The following RIC8B variants were observed in gnomAD, a reference collection of about 807,000 sequenced individuals.
RIC8B encodes the protein RIC8 guanine nucleotide exchange factor B.
In RIC8B, 16 loss-of-function variants were observed where a neutral mutation model predicts 57.5. That is an observed-to-expected ratio of 0.28 (90% confidence interval 0.19 to 0.42). The LOEUF (loss-of-function observed/expected upper bound fraction) is 0.42, where lower values mean the gene tolerates loss of function less well. RIC8B is among the 10% of genes least tolerant of loss of function. The pLI, the probability that RIC8B is intolerant of heterozygous loss-of-function variation, is 1.00. For synonymous variants in RIC8B, 216 were observed against 250.8 expected (o/e 0.86, Z 1.31); for missense variants, 481 against 677.0 (o/e 0.71, Z 3.21).
At chr12:106,872,826 T>TAA (rs891550282) in intron 9 of RIC8B, among the ~76,000 whole-genome samples, 2 of 152,162 alleles carry the variant, frequency 1.3e-5, no homozygotes, top group African/African-American at 4.8e-5. Flanking sequence ...TTTTAAAGTT[T>TAA]AACACAAATG....
Position 106,886,202 on chromosome 12 carries a change from A to G in RIC8B, c.*187A>G, listed in dbSNP as rs1951178458. 2 of 560,672 alleles carry G rather than the reference A, an allele frequency of 3.6e-6. No homozygotes were observed. Among genetic ancestry groups the G allele is most frequent in the Non-Finnish European group, 6.3e-6 (2 of 317,390 alleles). The allele number at this position is 560,672 out of a possible 1,614,324, so 34.7% of individuals were successfully genotyped here. ...TTTTTTGTGATATTGAGGCATTCATACAGAGCTGCAGTTAGACGGGGTTAC... is the reference window on the plus strand; with the variant it reads ...TTTTTTGTGATATTGAGGCATTCATGCAGAGCTGCAGTTAGACGGGGTTAC... On this transcript the variant is annotated 3_prime_UTR_variant, in exon 10 of 10. Coordinates refer to ENST00000392837, the MANE Select transcript of RIC8B (RefSeq NM_001330145.2).
At chr12:106,853,024 A>G (rs1298104978) in intron 7 of RIC8B, among the ~76,000 whole-genome samples, 1 of 152,324 alleles carries the variant, frequency 6.6e-6, no homozygotes, top group South Asian at 2.1e-4. Flanking sequence ...CAAAATATAT[A>G]CCAAAATATT....
At chr12:106,852,052 T>C (rs1047664599) in intron 7 of RIC8B, among the ~76,000 whole-genome samples, 1 of 152,190 alleles carries the variant, frequency 6.6e-6, no homozygotes, top group Non-Finnish European at 1.5e-5. Context: ...TATAATATAC[T>C]GAATAGAAAT....
At chr12:106,782,453 T>C (rs2043809273) in intron 1 of RIC8B, among the ~76,000 whole-genome samples, 1 of 152,206 alleles carries the variant, frequency 6.6e-6, no homozygotes, top group South Asian at 2.1e-4. Flanking sequence ...ATTATGTCCT[T>C]AGTCTTGCTT....
rs1951236889 is a variant in RIC8B at position 106,887,676 on chromosome 12, C to CAGGCATACTGAAAGAAGAAAA, written c.*1666_*1686dup. ...AAGAAAGAGGCTGCTAGATTGAAGG[C>CAGGCATACTGAAAGAAGAAAA]AGGCATACTGAAAGAAGAAAAAGGC... On this transcript the variant is annotated 3_prime_UTR_variant, in exon 10 of 10. Transcript: ENST00000392837. 2 of 152,192 alleles carry CAGGCATACTGAAAGAAGAAAA rather than the reference C, an allele frequency of 1.3e-5. No individual in the cohort carries two copies. The highest frequency in any genetic ancestry group is 2.9e-5 in the Non-Finnish European group (2 of 68,028). 9.4% of individuals were successfully genotyped at this position (152,192 alleles called of 1,614,324 possible).
At chr12:106,813,075 AAAT>A (rs908054014) in intron 2 of RIC8B, among the ~76,000 whole-genome samples, 2 of 152,216 alleles carry the variant, frequency 1.3e-5, no homozygotes, top group East Asian at 1.9e-4. Flanking sequence ...ATTATTCCTT[AAAT>A]AATAAAACGA....
intron 3 of RIC8B, among the ~76,000 whole-genome samples, chr12:106,819,728 C>T (rs2045752772): frequency 2.2e-5 from 3 of 135,800 alleles, no homozygotes; most frequent in African/African-American, 5.5e-5. Context: ...TGGGTAACAG[C>T]GTCTCAGGAA....
At chr12:106,779,696 TTTC>T in intron 1 of RIC8B, among the ~76,000 whole-genome samples, 1 of 151,214 alleles carries the variant, frequency 6.6e-6, no homozygotes, top group East Asian at 1.9e-4. Context: ...TTTTTTTTTT[TTTC>T]AGATATTTTC....
chr12:106,860,275 T>C lies in RIC8B; in HGVS notation c.1314T>C (p.Ser438=), dbSNP rs1256174675. 1 of 1,584,734 alleles carries C rather than the reference T, an allele frequency of 6.3e-7. No homozygotes were observed. Among genetic ancestry groups the C allele is most frequent in the Non-Finnish European group, 8.6e-7 (1 of 1,167,808 alleles). ...LFVLCKERVD[S]LLKYTGYGNA... ...CCTATTCTGTTTTTGCAGTGGATAG[T>C]CTGCTGAAATACACTGGCTATGGGA... The change falls in exon 8 of 10, where the codon AGT becomes AGC. Residue 438 remains serine (S), a synonymous_variant. Coordinates refer to ENST00000392837, the MANE Select transcript of RIC8B (RefSeq NM_001330145.2).
intron 9 of RIC8B, among the ~76,000 whole-genome samples, chr12:106,878,091 T>A (rs1950748541): frequency 6.6e-6 from 1 of 152,090 alleles, no homozygotes. Context: ...GAGGGAAGGA[T>A]CTCAGAATCC....
chr12:106,828,989 T>C (rs575270023), intron 4 of RIC8B, among the ~76,000 whole-genome samples: 68 of 152,336 alleles, frequency 4.5e-4, no homozygotes, highest in African/African-American at 1.5e-3. Flanking sequence ...GGCAGCTTTT[T>C]CTGATACGTT....
At chr12:106,838,556 G>GAGGAGGAGC (rs1197194788) in intron 4 of RIC8B, among the ~76,000 whole-genome samples, 65 of 151,518 alleles carry the variant, frequency 4.3e-4, no homozygotes, top group African/African-American at 6.3e-4. Context: ...AAAAAAGAGG[G>GAGGAGGAGC]AGGAGGAGCA....
intron 2 of RIC8B, among the ~76,000 whole-genome samples, chr12:106,794,290 C>T (rs1013661140): frequency 4.0e-5 from 6 of 151,822 alleles, no homozygotes; most frequent in African/African-American, 1.2e-4. Flanking sequence ...TAAAGAAAAA[C>T]GAAGAGAGCC....
chr12:106,825,609 TA>T, intron 3 of RIC8B, 116 bp from the exon 4 acceptor site: 1 of 679,434 alleles, frequency 1.5e-6, no homozygotes. Flanking sequence ...TTCTGCCATC[TA>T]AAATGTATGG....
chr12:106,839,157 C>T (rs545097538), intron 4 of RIC8B, among the ~76,000 whole-genome samples: 13 of 152,250 alleles, frequency 8.5e-5, no homozygotes, highest in Non-Finnish European at 1.6e-4. Flanking sequence ...TCAGCAATCA[C>T]GCTTCTGGGA....
intron 9 of RIC8B, among the ~76,000 whole-genome samples, chr12:106,883,341 A>G (rs1230479614): frequency 3.9e-5 from 6 of 152,180 alleles, no homozygotes; most frequent in Non-Finnish European, 7.3e-5. Flanking sequence ...CAGAACTAGG[A>G]ATTTATTTAA....
chr12:106,870,077 CAAA>C (rs1011613400), intron 8 of RIC8B, among the ~76,000 whole-genome samples: 1 of 110,050 alleles, frequency 9.1e-6, no homozygotes, highest in Admixed American at 9.2e-5. Flanking sequence ...TTCCTGTCCT[CAAA>C]AAAAAAAAAA....
chr12:106,867,708 G>T lies in RIC8B; in HGVS notation c.1452-3115G>T, dbSNP rs534510486. On this transcript the variant is annotated intron_variant, in intron 8 of 9. Transcript: ENST00000392837. This position sits in a 1 kb window ranked among gnomAD's most constrained non-coding sequence, Gnocchi z 4.3. Reference sequence around the variant, plus strand: ...GAGACTCTGGTTTGAAGTGGGGAGCGGGAGAAGAGACAGTGTTCATCTGCC... The same window carrying T: ...GAGACTCTGGTTTGAAGTGGGGAGCTGGAGAAGAGACAGTGTTCATCTGCC... 6.6e-6 allele frequency among the ~76,000 whole-genome samples: 1 copy of T among 152,066 alleles called. No individual in the cohort carries two copies. The highest frequency in any genetic ancestry group is 2.4e-5 in the African/African-American group (1 of 41,410).
At chr12:106,840,337 G>A (rs888562929) in intron 4 of RIC8B, among the ~76,000 whole-genome samples, 2 of 152,188 alleles carry the variant, frequency 1.3e-5, no homozygotes, top group African/African-American at 2.4e-5. Context: ...ATATCAGGAG[G>A]GGGCTGGGAG....
Sources: allele counts gnomAD v4.1 joint callset (sites outside exome capture counted in the v4.1 genomes callset), GRCh38; gene constraint gnomAD v4.1.1; non-coding constraint Gnocchi (gnomAD v3.1); transcripts MANE v1.5; gene names NCBI Gene and HGNC (gene_info 2026-07-23, HGNC 2026-07-21).